Variants in SVIL observed in about 807,000 individuals in gnomAD.
SVIL encodes supervillin.
A neutral mutation model predicts 240.4 loss-of-function variants in SVIL; 101 were observed. That is an observed-to-expected ratio of 0.42 (90% CI 0.36 to 0.50). The LOEUF (loss-of-function observed/expected upper bound fraction) is 0.50, where lower values mean the gene tolerates loss of function less well. SVIL is among the 20% of genes least tolerant of loss of function. The probability of loss-of-function intolerance (pLI) is 0.01; values close to 1 mark genes in which losing one functional copy is unlikely to be tolerated. For synonymous variants in SVIL, 999 were observed against 1,100.0 expected (o/e 0.91, Z 1.82); for missense variants, 2,512 against 2,818.7 (o/e 0.89, Z 2.46).
Position 29,458,171 on chromosome 10 carries a change from CAAA to C in SVIL, c.*73_*75del, listed in dbSNP as rs1189113421. 7 of 1,421,200 alleles carry C rather than the reference CAAA, an allele frequency of 4.9e-6. No individual in the cohort carries two copies. In the Admixed American group the frequency reaches 1.1e-4, roughly 22 times the overall value. 88.0% of individuals were successfully genotyped at this position (1,421,200 alleles called of 1,614,324 possible). A position where few individuals can be genotyped will look rare whatever the true frequency, so the allele number is the denominator to read the frequency against. On this transcript the variant is annotated 3_prime_UTR_variant, in exon 38 of 38. Transcript: ENST00000355867. ...AAATACTTTGTGAAAAACACCAGTC[CAAA>C]AATATATATCCATTTCCCTGGTGCA...
chr10:29,602,192 A>C (rs1956836930), intron 1 of SVIL: 1 of 505,162 alleles, frequency 2.0e-6, no homozygotes, highest in East Asian at 5.7e-5. Context: ...AAGAGTTCTG[A>C]TCATTTTGCA....
At chr10:29,579,309 G>A (rs1236699101) in intron 1 of SVIL, among the ~76,000 whole-genome samples, 10 of 152,036 alleles carry the variant, frequency 6.6e-5, no homozygotes, top group African/African-American at 2.4e-4. Flanking sequence ...GTGGTGGCGG[G>A]CGCCTGTAGT....
intron 1 of SVIL, among the ~76,000 whole-genome samples, chr10:29,584,314 G>T (rs887564495): frequency 2.6e-5 from 4 of 152,212 alleles, no homozygotes; most frequent in African/African-American, 9.6e-5. Context: ...TATGGCAGCG[G>T]CACCTGCATG....
At chr10:29,680,043 G>A (rs779567515) in intron 2 of SVIL, among the ~76,000 whole-genome samples, 4 of 151,968 alleles carry the variant, frequency 2.6e-5, no homozygotes, top group Non-Finnish European at 4.4e-5. Context: ...AAAATTACCC[G>A]GCATAGTTGC....
intron 17 of SVIL, among the ~76,000 whole-genome samples, chr10:29,509,335 GAGAGAGAGAGAGAGA>G (rs1949631076): frequency 4.2e-5 from 2 of 47,118 alleles, no homozygotes; most frequent in African/African-American, 2.0e-4. Context: ...GGGAGGGAGA[GAGAGAGAGAGAGAGA>G]GAGAGAGAGA....
intron 2 of SVIL, among the ~76,000 whole-genome samples, chr10:29,681,523 A>T (rs1423737581): frequency 6.6e-6 from 1 of 152,066 alleles, no homozygotes; most frequent in Non-Finnish European, 1.5e-5. Flanking sequence ...TTAAATTAAC[A>T]TCCTCTTGAC....
chr10:29,507,630 T>G (rs1236380913), intron 17 of SVIL: 4 of 387,178 alleles, frequency 1.0e-5, no homozygotes, highest in Middle Eastern at 1.3e-3. Flanking sequence ...CACCTCTCTT[T>G]CAAAGTGAAA....
intron 17 of SVIL, 38 bp downstream of exon 17, chr10:29,512,697 G>C (rs1564547081): frequency 6.2e-7 from 1 of 1,613,976 alleles, no homozygotes; most frequent in Non-Finnish European, 8.5e-7. Context: ...CAAGAGTGAT[G>C]TTAGTCGGAA....
At chr10:29,615,872 A>G (rs965476461) in intron 1 of SVIL, among the ~76,000 whole-genome samples, 4 of 152,348 alleles carry the variant, frequency 2.6e-5, no homozygotes, top group Middle Eastern at 3.4e-3. Context: ...AGAATAATTC[A>G]GAGTTTGCCA....
intron 16 of SVIL, among the ~76,000 whole-genome samples, chr10:29,515,841 C>A (rs1307904698): frequency 3.3e-5 from 5 of 152,164 alleles, no homozygotes; most frequent in Admixed American, 1.3e-4. Context: ...TGCTTTGTGG[C>A]ATCTAAAACT....
In SVIL at chr10:29,490,783, T is replaced by C. The variant is rs1389646734; in HGVS notation, c.4192+64A>G. Reference sequence around the variant, plus strand: ...CTTCACAAGGCAGAAAACCAAGCAATGAGTAGAGCATCGGAAGAAGCCATT... The same window carrying C: ...CTTCACAAGGCAGAAAACCAAGCAACGAGTAGAGCATCGGAAGAAGCCATT... On this transcript the variant is annotated intron_variant, in intron 22 of 37. Transcript: ENST00000355867. 6 of 1,590,368 alleles carry C rather than the reference T, an allele frequency of 3.8e-6. No homozygotes were observed. The East Asian group carries it at 9.0e-5, about 24-fold the overall frequency.
At chr10:29,638,419 T>A (rs1250963095), upstream of SVIL, among the ~76,000 whole-genome samples, 8 of 151,348 alleles carry the variant, frequency 5.3e-5, 1 homozygote, top group Non-Finnish European at 1.2e-4. Flanking sequence ...TGAGCTGAGA[T>A]CATGCCATTG....
At chr10:29,545,080 G>A in intron 6 of SVIL, 1 of 534,538 alleles carries the variant, frequency 1.9e-6, no homozygotes, top group South Asian at 1.4e-5. Context: ...GAGCGTGGAA[G>A]GTCAAGCACG....
At chr10:29,509,370 A>G (rs1333207267) in intron 17 of SVIL, among the ~76,000 whole-genome samples, 1 of 143,236 alleles carries the variant, frequency 7.0e-6, no homozygotes, top group Admixed American at 6.9e-5. Flanking sequence ...AGAGAGAGAG[A>G]GAGAGAGAGA....
intron 1 of SVIL, among the ~76,000 whole-genome samples, chr10:29,709,876 G>T (rs1015819417): frequency 6.6e-6 from 1 of 152,076 alleles, no homozygotes; most frequent in Non-Finnish European, 1.5e-5. Flanking sequence ...AGAGCAGGCG[G>T]TATCCCACAT....
At chr10:29,513,967 T>C (rs985672029) in intron 16 of SVIL, among the ~76,000 whole-genome samples, 2 of 130,794 alleles carry the variant, frequency 1.5e-5, no homozygotes, top group South Asian at 2.4e-4. Context: ...CAAACAAACA[T>C]GGGAAAGATA....
At position 29,481,674 on chromosome 10, in the gene SVIL, A is replaced by G; in HGVS notation, c.5010T>C (p.Asn1670=). Residue 1670 remains asparagine (N), a synonymous_variant, in exon 28 of 38, where the codon AAT becomes AAC. Transcript: ENST00000355867. The part of the protein sequence containing the change: ...WAIFGRLTEH[N]ETILFKEKFL... ...ACTTCTCTTTGAACAAAATCGTCTC[A>G]TTGTGTTCAGTAAGTCTCCCAAATA... 2 of 1,604,970 alleles carry G rather than the reference A, an allele frequency of 1.2e-6. No homozygotes were observed. Among genetic ancestry groups the G allele is most frequent in the South Asian group, 1.1e-5 (1 of 90,972 alleles).
At chr10:29,727,713 G>A (rs1219484334) in intron 1 of SVIL, among the ~76,000 whole-genome samples, 2 of 147,086 alleles carry the variant, frequency 1.4e-5, no homozygotes, top group African/African-American at 5.0e-5. Context: ...CTTAGAGAAA[G>A]GAGAAATGTG....
At position 29,527,009 on chromosome 10, in the gene SVIL, G is replaced by A. The variant is rs151298800; in HGVS notation, c.2294C>T (p.Ala765Val). The change falls in exon 13 of 38, where the codon GCG becomes GTG. Residue 765 changes from alanine (A) to valine (V), a missense_variant. By Grantham distance (64) the Ala-to-Val change is moderately conservative (BLOSUM62 0). Around this residue, in one of 3 missense-constraint regions of SVIL, gnomAD observed 1,443 missense variants for 1,486.6 expected, o/e 0.97. Coordinates refer to ENST00000355867, the MANE Select transcript of SVIL (RefSeq NM_021738.3). ...AGCTACAGTGGGGCTAGGAAGTCTC[G>A]CCATTACAGGGTGGGTGCCCCCAGA... ...SCSGGTHPVM[A>V]RLPSPTVARS... The A allele has an allele frequency of 1.1e-4, 180 of 1,612,918 alleles. No homozygotes were observed. Among genetic ancestry groups the A allele is most frequent in the Non-Finnish European group, 1.4e-4 (167 of 1,179,600 alleles).
Sources: gnomAD v4.1 joint callset for allele counts (sites outside exome capture counted in the v4.1 genomes callset) on GRCh38, gnomAD v4.1.1 for gene constraint, gnomAD v4.1.1 regional missense constraint, MANE v1.5 for transcripts, NCBI Gene and HGNC (gene_info 2026-07-23, HGNC 2026-07-21) for gene names.